CANX: variants seen among roughly 807,000 people sequenced by gnomAD.
CANX encodes calnexin.
A neutral mutation model predicts 75.7 loss-of-function variants in CANX; 14 were observed. The ratio of observed to expected loss-of-function variants is 0.19; its 90% CI spans 0.12 to 0.29. The LOEUF (loss-of-function observed/expected upper bound fraction) is 0.29. Ranked by LOEUF, CANX falls within the 10% of genes least tolerant of loss-of-function variation. The probability of loss-of-function intolerance (pLI) is 1.00; values close to 1 mark genes in which losing one functional copy is unlikely to be tolerated. For missense variants in CANX, 567 were observed against 713.2 expected, an observed-to-expected ratio of 0.79 and a Z score of 2.34; for synonymous variants, 227 against 236.9, an observed-to-expected ratio of 0.96 and a Z score of 0.38.
At chr5:179,714,863 C>G (rs969507663) in intron 7 of CANX, among the ~76,000 whole-genome samples, 1 of 152,000 alleles carries the variant, frequency 6.6e-6, no homozygotes, top group Admixed American at 6.6e-5. Flanking sequence ...CTCCCAGGTT[C>G]AAGCGATTCT....
chr5:179,697,843 G>A (rs936746494), upstream of CANX, among the ~76,000 whole-genome samples: 6 of 152,136 alleles, frequency 3.9e-5, no homozygotes, highest in African/African-American at 1.4e-4. Context: ...AGCTAAGATC[G>A]CACCACTAGA....
chr5:179,700,706 T>C (rs1454939135), intron 1 of CANX, among the ~76,000 whole-genome samples: 1 of 152,202 alleles, frequency 6.6e-6, no homozygotes, highest in Non-Finnish European at 1.5e-5. Flanking sequence ...GATAAGTGTT[T>C]TGACAGAAGT....
chr5:179,697,397 A>C (rs941096827), upstream of CANX, among the ~76,000 whole-genome samples: 1 of 152,136 alleles, frequency 6.6e-6, no homozygotes, highest in Admixed American at 6.6e-5. Flanking sequence ...TTCTGGATGG[A>C]AGCAGTCCCT....
chr5:179,701,619 G>A (rs558969375), intron 1 of CANX, among the ~76,000 whole-genome samples: 10 of 150,156 alleles, frequency 6.7e-5, no homozygotes, highest in Middle Eastern at 3.5e-3. Flanking sequence ...AGAATACGCC[G>A]TTTATAATAA....
At chr5:179,724,567 T>C in intron 12 of CANX, 90 bp from the exon 13 acceptor site, 4 of 1,077,558 alleles carry the variant, frequency 3.7e-6, no homozygotes, top group Non-Finnish European at 5.7e-6. Flanking sequence ...GTATACAGCC[T>C]GGAACAGAAC....
intron 5 of CANX, 92 bp downstream of exon 5, chr5:179,708,472 GATT>G (rs1410181013): frequency 8.5e-7 from 1 of 1,181,994 alleles, no homozygotes; most frequent in East Asian, 2.5e-5. Flanking sequence ...AAAATTATGA[GATT>G]ATATAAGTGG....
At chr5:179,683,644 C>T (rs985869178) in intron 1 of CANX, among the ~76,000 whole-genome samples, 2 of 151,922 alleles carry the variant, frequency 1.3e-5, no homozygotes, top group Admixed American at 1.3e-4. Context: ...AGTGATTCTC[C>T]TGTCTCAGCC....
At chr5:179,682,227 G>A (rs1366815416) in intron 1 of CANX, among the ~76,000 whole-genome samples, 1 of 150,284 alleles carries the variant, frequency 6.7e-6, no homozygotes, top group Non-Finnish European at 1.5e-5. Context: ...ACTCCAACCT[G>A]GGCAACAAGA....
At chr5:179,687,551 C>T (rs1776212533) in intron 1 of CANX, among the ~76,000 whole-genome samples, 1 of 152,116 alleles carries the variant, frequency 6.6e-6, no homozygotes, top group African/African-American at 2.4e-5. Flanking sequence ...ATTTGATTGT[C>T]AGTGTTCACA....
At chr5:179,696,793 T>C (rs1038329337), upstream of CANX, among the ~76,000 whole-genome samples, 62 of 152,228 alleles carry the variant, frequency 4.1e-4, no homozygotes, top group African/African-American at 1.4e-3. Flanking sequence ...GTAAACAGGC[T>C]GTAAACCTCT....
At chr5:179,707,276 G>C in intron 4 of CANX, 86 bp downstream of exon 4, 1 of 820,866 alleles carries the variant, frequency 1.2e-6, no homozygotes, top group Non-Finnish European at 2.1e-6. Context: ...TAGTTTAAAA[G>C]GACATAGTAG....
intron 7 of CANX, chr5:179,715,825 T>G (rs1221764138): frequency 5.7e-5 from 13 of 230,002 alleles, no homozygotes; most frequent in South Asian, 1.1e-4. Flanking sequence ...GTTTTTTTTG[T>G]TTTTTTTTTT....
chr5:179,711,074 G>C (rs909119175), intron 7 of CANX, among the ~76,000 whole-genome samples: 6 of 151,824 alleles, frequency 4.0e-5, no homozygotes, highest in African/African-American at 1.5e-4. Context: ...CGAAAGAAAA[G>C]AATCTCTTCA....
chr5:179,682,233 CAA>C (rs1776082161), intron 1 of CANX, among the ~76,000 whole-genome samples: 1 of 133,138 alleles, frequency 7.5e-6, no homozygotes, highest in Admixed American at 8.2e-5. Context: ...ACCTGGGCAA[CAA>C]GAGCGAAACT....
rs1408952886 is a variant in CANX, at chr5:179,726,732, G to A, written c.1698G>A (p.Glu566=). The change falls in exon 14 of 15, where the codon GAG becomes GAA. Residue 566 remains glutamate, a synonymous_variant. Coordinates refer to ENST00000247461, the MANE Select transcript of CANX (RefSeq NM_001746.4). The stretch of plus-strand genomic sequence containing the variant: ...AAGATGGTGGCACTGTCAGTCAAGA[G>A]GAGGAAGACAGAAAACCTAAAGCAG... ...AEEDGGTVSQ[E]EEDRKPKAEE... The A allele has an allele frequency of 1.2e-6, 2 of 1,613,470 alleles. No individual in the cohort carries two copies. Among genetic ancestry groups the A allele is most frequent in the Non-Finnish European group, 1.7e-6 (2 of 1,179,544 alleles).
intron 12 of CANX, among the ~76,000 whole-genome samples, chr5:179,724,393 G>A (rs113308661): frequency 1.2e-4 from 18 of 152,128 alleles, no homozygotes; most frequent in Non-Finnish European, 2.6e-4. Flanking sequence ...TCTGTGTATC[G>A]GTGCCTCAGT....
chr5:179,725,410 G>A lies in CANX; in HGVS notation c.1645+627G>A, dbSNP rs535839193. Among the ~76,000 whole-genome samples the A allele has an allele frequency of 8.9e-4, 135 of 152,098 alleles. 1 individual carries two copies. Among genetic ancestry groups the A allele is most frequent in the African/African-American group, 3.0e-3 (126 of 41,526 alleles). ...TAAAAAAAAATTGTTGGCCAGGTGC[G>A]GTGGCTCACGCCTGTAATTCCAGCA... On this transcript the variant is annotated intron_variant, in intron 13 of 14. Coordinates refer to ENST00000247461, the MANE Select transcript of CANX (RefSeq NM_001746.4).
At position 179,709,003 on chromosome 5, in the gene CANX, A is replaced by C. The variant is rs780927363; in HGVS notation, c.472A>C (p.Ile158Leu). Residue 158 changes from isoleucine to leucine, a missense_variant, in exon 6 of 15, where the codon ATA (isoleucine) becomes CTA (leucine). This residue lies in a region of CANX where 351 missense variants were observed against 433.8 expected (regional missense o/e 0.81). Transcript: ENST00000247461. ...VQYEVNFQNGIECGGAYVKLL... is the reference protein window; with the variant it reads ...VQYEVNFQNGLECGGAYVKLL... Reference sequence around the variant, plus strand: ...GTATGAGGTTAATTTCCAAAATGGAATAGAATGTGGTGGTGCCTATGTGAA... The same window carrying C: ...GTATGAGGTTAATTTCCAAAATGGACTAGAATGTGGTGGTGCCTATGTGAA... The C allele has an allele frequency of 3.1e-6, 5 of 1,597,146 alleles. No homozygotes were observed. Among genetic ancestry groups the C allele is most frequent in the Non-Finnish European group, 2.6e-6 (3 of 1,164,500 alleles).
chr5:179,702,132 G>C (rs1038544774), intron 1 of CANX, among the ~76,000 whole-genome samples: 8 of 151,690 alleles, frequency 5.3e-5, no homozygotes, highest in Non-Finnish European at 8.8e-5. Flanking sequence ...AACTCCTGCT[G>C]TTATTGGTTC....
Sources: gnomAD v4.1 joint callset for allele counts (sites outside exome capture counted in the v4.1 genomes callset) on GRCh38, gnomAD v4.1.1 for gene constraint, gnomAD v4.1.1 regional missense constraint, MANE v1.5 for transcripts, NCBI Gene and HGNC (gene_info 2026-07-23, HGNC 2026-07-21) for gene names.